ANKS1B: variants seen among roughly 807,000 people sequenced by gnomAD.
ANKS1B encodes the protein ankyrin repeat and sterile alpha motif domain containing 1B.
ANKS1B carries 36 observed loss-of-function variants against 148.3 expected under a neutral mutation model. That is an observed-to-expected ratio of 0.24 (90% CI 0.19 to 0.32). ANKS1B has a LOEUF of 0.32. ANKS1B is among the 10% of genes least tolerant of loss of function. The pLI is 1.00. For synonymous variants in ANKS1B, 542 were observed against 560.8 expected (o/e 0.97, Z 0.47); for missense variants, 1,157 against 1,542.6 (o/e 0.75, Z 4.19).
chr12:99,238,021 A>G (rs962214963), intron 14 of ANKS1B, among the ~76,000 whole-genome samples: 2 of 152,188 alleles, frequency 1.3e-5, no homozygotes, highest in Non-Finnish European at 2.9e-5. Flanking sequence ...CAACTGAGGT[A>G]CCTGGTTCAT....
At chr12:99,494,575 T>C (rs565299491) in intron 10 of ANKS1B, among the ~76,000 whole-genome samples, 282 of 151,144 alleles carry the variant, frequency 1.9e-3, no homozygotes, top group African/African-American at 6.2e-3. Context: ...CTACTAAAAA[T>C]ACAAAAAATT....
chr12:99,526,553 C>G (rs2096928556), intron 9 of ANKS1B, among the ~76,000 whole-genome samples: 1 of 152,098 alleles, frequency 6.6e-6, no homozygotes, highest in African/African-American at 2.4e-5. Flanking sequence ...TCAGATCTCA[C>G]CAATATCAAT....
chr12:98,793,980 A>T (rs1003905106), intron 22 of ANKS1B, among the ~76,000 whole-genome samples: 3 of 152,204 alleles, frequency 2.0e-5, no homozygotes, highest in African/African-American at 7.2e-5. Context: ...TATGTCTTGG[A>T]ATCTTTGAAG....
At chr12:98,983,055 G>A (rs151305708) in intron 17 of ANKS1B, among the ~76,000 whole-genome samples, 3 of 152,284 alleles carry the variant, frequency 2.0e-5, no homozygotes, top group East Asian at 3.9e-4. Context: ...TTGCTGCACA[G>A]CAAATTGTCA....
At chr12:99,428,789 T>C (rs1011614627) in intron 11 of ANKS1B, among the ~76,000 whole-genome samples, 1 of 152,120 alleles carries the variant, frequency 6.6e-6, no homozygotes, top group Non-Finnish European at 1.5e-5. Flanking sequence ...TACCATTTTA[T>C]ACTAAGAGGA....
chr12:99,396,357 C>G (rs1477107823), intron 12 of ANKS1B, among the ~76,000 whole-genome samples: 2 of 152,106 alleles, frequency 1.3e-5, no homozygotes, highest in Non-Finnish European at 2.9e-5. Flanking sequence ...TAATAAAATG[C>G]TACTTTTGCA....
chr12:99,255,668 GTTTAAC>G (rs932554088), intron 12 of ANKS1B, among the ~76,000 whole-genome samples: 8 of 151,850 alleles, frequency 5.3e-5, no homozygotes, highest in Non-Finnish European at 1.5e-5. Context: ...TTATATTTTT[GTTTAAC>G]TTTAAAGGTT....
chr12:99,671,923 C>T (rs561751067), intron 8 of ANKS1B, among the ~76,000 whole-genome samples: 2 of 152,050 alleles, frequency 1.3e-5, no homozygotes, highest in South Asian at 4.2e-4. Context: ...TGTTTTCTCC[C>T]CCACCCCAAA....
chr12:99,008,740 A>T (rs1435405506), intron 17 of ANKS1B, among the ~76,000 whole-genome samples: 1 of 152,230 alleles, frequency 6.6e-6, no homozygotes, highest in African/African-American at 2.4e-5. Flanking sequence ...AAAAAATTTT[A>T]AAAACTAGCT....
At chr12:99,293,612 G>T (rs994668435) in intron 12 of ANKS1B, among the ~76,000 whole-genome samples, 1 of 152,024 alleles carries the variant, frequency 6.6e-6, no homozygotes, top group Non-Finnish European at 1.5e-5. Flanking sequence ...CATTGGACTG[G>T]GTAAAAGTTT....
intron 10 of ANKS1B, among the ~76,000 whole-genome samples, chr12:99,480,360 A>G (rs1294197595): frequency 6.6e-6 from 1 of 151,886 alleles, no homozygotes; most frequent in South Asian, 2.1e-4. Context: ...TTTTTAATAT[A>G]CTTCAAACTG....
At position 99,154,409 on chromosome 12, in the gene ANKS1B, A is replaced by C. The variant is rs1194268060; in HGVS notation, c.2420-14T>G. The C allele has an allele frequency of 2.5e-6, 4 of 1,613,660 alleles. No homozygotes were observed. Among genetic ancestry groups the C allele is most frequent in the Non-Finnish European group, 2.5e-6 (3 of 1,179,752 alleles). ...GGCATCTGGGTCCTGTAAGAGGATG[A>C]AGAGGGAAGCGTTTAAGCAGGGAGT... On this transcript the variant is annotated splice_polypyrimidine_tract_variant and intron_variant, in intron 14 of 26. Coordinates refer to ENST00000683438, the MANE Select transcript of ANKS1B (RefSeq NM_001352186.2).
intron 11 of ANKS1B, among the ~76,000 whole-genome samples, chr12:99,426,146 T>C (rs2095250523): frequency 6.6e-6 from 1 of 152,048 alleles, no homozygotes; most frequent in Non-Finnish European, 1.5e-5. Flanking sequence ...CTCAGAGTTG[T>C]TATTAATCAC....
intron 11 of ANKS1B, among the ~76,000 whole-genome samples, chr12:99,413,494 T>C (rs972072649): frequency 1.3e-5 from 2 of 152,200 alleles, no homozygotes; most frequent in African/African-American, 2.4e-5. Context: ...ATTGGTAGCA[T>C]TGATTTTTTT....
intron 12 of ANKS1B, among the ~76,000 whole-genome samples, chr12:99,327,934 C>G (rs1219763518): frequency 6.6e-6 from 1 of 151,596 alleles, no homozygotes; most frequent in East Asian, 1.9e-4. Context: ...TTTATATGAT[C>G]CTATTTTCTG....
intron 24 of ANKS1B, among the ~76,000 whole-genome samples, chr12:98,779,456 A>G (rs2098712736): frequency 6.6e-6 from 1 of 152,240 alleles, no homozygotes; most frequent in South Asian, 2.1e-4. Context: ...CTCAGGGCAA[A>G]TACCACTTGT....
At chr12:99,380,493 C>T (rs1403950387) in intron 12 of ANKS1B, among the ~76,000 whole-genome samples, 1 of 152,052 alleles carries the variant, frequency 6.6e-6, no homozygotes, top group Admixed American at 6.5e-5. Context: ...AAGGCAGGAA[C>T]TTTGTTTTTC....
chr12:99,339,137 A>G (rs2089482129), intron 12 of ANKS1B, among the ~76,000 whole-genome samples: 1 of 152,112 alleles, frequency 6.6e-6, no homozygotes, highest in Admixed American at 6.6e-5. Flanking sequence ...CCATCTTTCA[A>G]GTTTATTTAG....
At chr12:99,305,364 T>C (rs1051966250) in intron 12 of ANKS1B, among the ~76,000 whole-genome samples, 1 of 152,138 alleles carries the variant, frequency 6.6e-6, no homozygotes, top group Non-Finnish European at 1.5e-5. Context: ...ATTACATTAT[T>C]TCATAATTAT....
Sources: allele counts gnomAD v4.1 joint callset (sites outside exome capture counted in the v4.1 genomes callset), GRCh38; gene constraint gnomAD v4.1.1; transcripts MANE v1.5; gene names NCBI Gene and HGNC (gene_info 2026-07-23, HGNC 2026-07-21).